SLC13A1: variants seen among roughly 807,000 people sequenced by gnomAD.
SLC13A1 encodes Na(+)/sulfate cotransporter.
Under a neutral mutation model 70.0 loss-of-function variants are expected in SLC13A1, and 65 were observed. The ratio of observed to expected loss-of-function variants is 0.93; its 90% CI spans 0.76 to 1.14. The LOEUF is 1.14. Among genes scored for constraint, SLC13A1 ranks in the 50% most tolerant of loss-of-function variants. The probability of loss-of-function intolerance (pLI) is 0.00; values close to 1 mark genes in which losing one functional copy is unlikely to be tolerated. For synonymous variants in SLC13A1, 275 were observed against 250.5 expected (o/e 1.10, Z -0.92); for missense variants, 726 against 717.8 (o/e 1.01, Z -0.13).
At chr7:123,171,619 T>C in intron 3 of SLC13A1, 149 bp downstream of exon 3, 1 of 799,884 alleles carries the variant, frequency 1.3e-6, no homozygotes, top group Non-Finnish European at 2.0e-6. Flanking sequence ...ACACTTTATA[T>C]CACTTTCATA....
intron 7 of SLC13A1, 40 bp from the exon 8 acceptor site, chr7:123,134,569 C>T (rs887792902): frequency 1.3e-6 from 2 of 1,592,818 alleles, no homozygotes; most frequent in Non-Finnish European, 1.7e-6. Flanking sequence ...GATGGAGAGA[C>T]AGGTGGAATC....
chr7:123,119,785 CATAT>C (rs56181328), intron 12 of SLC13A1, among the ~76,000 whole-genome samples: 2 of 151,590 alleles, frequency 1.3e-5, no homozygotes, highest in African/African-American at 2.4e-5. Flanking sequence ...ATCTACCAAA[CATAT>C]ATTTTTTGTT....
chr7:123,177,371 C>T (rs1563349220), intron 2 of SLC13A1, among the ~76,000 whole-genome samples: 2 of 152,114 alleles, frequency 1.3e-5, no homozygotes, highest in African/African-American at 2.4e-5. Context: ...TCCTACCTGT[C>T]TCTTTCTTTC....
chr7:123,136,795 A>T (rs1253359923), intron 7 of SLC13A1, among the ~76,000 whole-genome samples: 1 of 152,218 alleles, frequency 6.6e-6, no homozygotes, highest in Non-Finnish European at 1.5e-5. Context: ...GGGAAATTTT[A>T]CGTAATGCCA....
At chr7:123,159,751 A>G (rs1794823568) in intron 6 of SLC13A1, among the ~76,000 whole-genome samples, 1 of 152,214 alleles carries the variant, frequency 6.6e-6, no homozygotes, top group Admixed American at 6.5e-5. Flanking sequence ...TGGAAAAAAT[A>G]AAAAGCTGGC....
At chr7:123,118,968 C>T in intron 13 of SLC13A1, 113 bp downstream of exon 13, 1 of 827,086 alleles carries the variant, frequency 1.2e-6, no homozygotes, top group Non-Finnish European at 1.8e-6. Flanking sequence ...AAGTTACTTA[C>T]AGGAGGCCCA....
chr7:123,141,550 C>A (rs1421996000), intron 7 of SLC13A1, among the ~76,000 whole-genome samples: 1 of 151,604 alleles, frequency 6.6e-6, no homozygotes, highest in Admixed American at 6.6e-5. Flanking sequence ...CTCTTTCTCT[C>A]TCTCTCTCCC....
chr7:123,153,596 G>T (rs903255717), intron 6 of SLC13A1, among the ~76,000 whole-genome samples: 1 of 151,978 alleles, frequency 6.6e-6, no homozygotes, highest in South Asian at 2.1e-4. Flanking sequence ...TGAAAAATAG[G>T]GCTCTTAAGA....
chr7:123,149,995 T>C (rs917220184), intron 6 of SLC13A1, among the ~76,000 whole-genome samples: 1 of 152,116 alleles, frequency 6.6e-6, no homozygotes, highest in Non-Finnish European at 1.5e-5. Context: ...AACCCAACCA[T>C]TCTCTCTCTC....
At chr7:123,154,333 A>G (rs1794648298) in intron 6 of SLC13A1, among the ~76,000 whole-genome samples, 1 of 152,076 alleles carries the variant, frequency 6.6e-6, no homozygotes, top group East Asian at 1.9e-4. Context: ...TCTTCTTCCA[A>G]GTAACTGAAA....
chr7:123,169,532 A>G (rs1795194633), intron 3 of SLC13A1, among the ~76,000 whole-genome samples, 197 bp from the exon 4 acceptor site: 1 of 152,232 alleles, frequency 6.6e-6, no homozygotes, highest in Non-Finnish European at 1.5e-5. Context: ...CATATATGTA[A>G]AAGTGGAGTT....
intron 6 of SLC13A1, among the ~76,000 whole-genome samples, chr7:123,155,752 C>T (rs1018230645): frequency 1.2e-4 from 19 of 152,036 alleles, no homozygotes; most frequent in Admixed American, 7.9e-4. Flanking sequence ...TCTCTCTTAA[C>T]GCTGATTGTG....
rs1178936556 is a variant in SLC13A1, at chr7:123,114,147, T to G, written c.*1371A>C. 2.6e-5 allele frequency: 4 copies of G among 151,990 alleles called. No homozygotes were observed. Among genetic ancestry groups the G allele is most frequent in the Admixed American group, 2.6e-4 (4 of 15,252 alleles). 9.4% of individuals were successfully genotyped at this position (151,990 alleles called of 1,614,324 possible). On this transcript the variant is annotated 3_prime_UTR_variant, in exon 15 of 15. Transcript: ENST00000194130. ...TTTGCTTTGTCTTTTGTTGTATTTTTAGCATGAGAATTGCTGTGATATAAC... is the reference window on the plus strand; with the variant it reads ...TTTGCTTTGTCTTTTGTTGTATTTTGAGCATGAGAATTGCTGTGATATAAC...
At chr7:123,181,475 CT>C (rs2116618582) in intron 1 of SLC13A1, among the ~76,000 whole-genome samples, 1 of 152,238 alleles carries the variant, frequency 6.6e-6, no homozygotes, top group Non-Finnish European at 1.5e-5. Flanking sequence ...AAGTTACAGC[CT>C]TTCCCCTGGG....
intron 7 of SLC13A1, among the ~76,000 whole-genome samples, chr7:123,140,620 C>T (rs765021659): frequency 6.6e-6 from 1 of 152,008 alleles, no homozygotes; most frequent in Non-Finnish European, 1.5e-5. Context: ...TTAGTTTGTT[C>T]AGGTTTTGGA....
At chr7:123,134,671 A>G in intron 7 of SLC13A1, 142 bp from the exon 8 acceptor site, 1 of 659,792 alleles carries the variant, frequency 1.5e-6, no homozygotes, top group East Asian at 2.9e-5. Context: ...CATTAAATAG[A>G]GTACTTTTAC....
chr7:123,179,456 C>T (rs189296075), intron 2 of SLC13A1, among the ~76,000 whole-genome samples: 1 of 152,110 alleles, frequency 6.6e-6, no homozygotes, highest in Non-Finnish European at 1.5e-5. Context: ...CCTTTCAAGT[C>T]TAAGATTCTA....
chr7:123,147,228 G>C lies in SLC13A1; in HGVS notation c.743C>G (p.Ser248Cys), dbSNP rs766787346. 1 of 1,613,658 alleles carries C rather than the reference G, an allele frequency of 6.2e-7. No homozygotes were observed. The highest frequency in any genetic ancestry group is 1.7e-5 in the Admixed American group (1 of 59,950). Residue 248 changes from serine to cysteine, a missense_variant, in exon 7 of 15, where the codon TCT (serine) becomes TGT (cysteine). Coordinates refer to ENST00000194130, the MANE Select transcript of SLC13A1 (RefSeq NM_022444.4). ...GATTGTTGTCAGTCCACCAATGGTA[G>C]AAGAGTAGGCAATGCACAAACACGT... ...KLTCLCIAYS[S>C]TIGGLTTITG...
chr7:123,138,539 G>A (rs1230265606), intron 7 of SLC13A1, among the ~76,000 whole-genome samples: 2 of 152,154 alleles, frequency 1.3e-5, no homozygotes, highest in Non-Finnish European at 2.9e-5. Context: ...CCTACCAACA[G>A]TGTATGAGGG....
Sources: gnomAD v4.1 joint callset for allele counts (sites outside exome capture counted in the v4.1 genomes callset) on GRCh38, gnomAD v4.1.1 for gene constraint, MANE v1.5 for transcripts, NCBI Gene and HGNC (gene_info 2026-07-23, HGNC 2026-07-21) for gene names.